The following XPO1 variants were observed in gnomAD, a reference collection of about 807,000 sequenced individuals.
XPO1 encodes exportin-1.
Under a neutral mutation model 133.3 loss-of-function variants are expected in XPO1, and 5 were observed. The ratio of observed to expected loss-of-function variants is 0.04; its 90% CI spans 0.02 to 0.08. The LOEUF is 0.08. XPO1 is among the 10% of genes least tolerant of loss of function. The pLI, the probability that XPO1 is intolerant of heterozygous loss-of-function variation, is 1.00. For synonymous variants in XPO1, 419 were observed against 408.2 expected (o/e 1.03, Z -0.32); for missense variants, 506 against 1,267.5 (o/e 0.40, Z 9.12).
At chr2:61,516,177 T>G (rs1204093229) in intron 4 of XPO1, among the ~76,000 whole-genome samples, 6 of 147,144 alleles carry the variant, frequency 4.1e-5, no homozygotes, top group Admixed American at 4.1e-4. Flanking sequence ...TGGTGGCACA[T>G]GCCTGTAATC....
At chr2:61,515,822 G>C (rs899371348) in intron 4 of XPO1, among the ~76,000 whole-genome samples, 1 of 151,190 alleles carries the variant, frequency 6.6e-6, no homozygotes, top group Non-Finnish European at 1.5e-5. Context: ...GGTGGCTCAC[G>C]CCTGTAATCC....
At chr2:61,527,726 A>G (rs1698968084) in intron 2 of XPO1, among the ~76,000 whole-genome samples, 2 of 152,054 alleles carry the variant, frequency 1.3e-5, no homozygotes, top group South Asian at 4.1e-4. Flanking sequence ...AATTTCACTA[A>G]TTTCATATAT....
In XPO1 at chr2:61,482,293, C is replaced by G. The variant is rs923694996; in HGVS notation, c.2972+87G>C. The G allele has an allele frequency of 5.3e-6, 7 of 1,314,770 alleles. No homozygotes were observed. In the Admixed American group the frequency reaches 1.8e-4, roughly 34 times the overall value. 81.4% of individuals were successfully genotyped at this position (1,314,770 alleles called of 1,614,324 possible). A position where few individuals can be genotyped will look rare whatever the true frequency, so the allele number is the denominator to read the frequency against. ...TTTTGGGCCCAAGCAATCCTCCCAC[C>G]TTAGGCTTCCCAAAGTGCTGGGATT... On this transcript the variant is annotated intron_variant, in intron 23 of 24. Transcript: ENST00000401558.
chr2:61,535,027 G>A (rs1247205814), intron 1 of XPO1, among the ~76,000 whole-genome samples: 3 of 152,112 alleles, frequency 2.0e-5, no homozygotes, highest in East Asian at 3.8e-4. Context: ...AAATAAAAAA[G>A]AATTCTAACA....
intron 4 of XPO1, among the ~76,000 whole-genome samples, chr2:61,503,657 C>T (rs1285511066): frequency 6.6e-6 from 1 of 152,136 alleles, no homozygotes; most frequent in Non-Finnish European, 1.5e-5. Context: ...ATCTCCTGAC[C>T]TCGTGATCTG....
intron 20 of XPO1, chr2:61,484,715 C>A (rs1573107297): frequency 6.6e-6 from 1 of 152,666 alleles, no homozygotes; most frequent in African/African-American, 2.4e-5. Flanking sequence ...GCAAGCTCCG[C>A]CTCCCGGGTT....
chr2:61,531,863 T>C (rs910019355), intron 2 of XPO1, among the ~76,000 whole-genome samples: 1 of 152,222 alleles, frequency 6.6e-6, no homozygotes, highest in African/African-American at 2.4e-5. Flanking sequence ...GATAATATAC[T>C]GATCAAAACG....
chr2:61,520,747 C>T (rs931869676), intron 4 of XPO1, among the ~76,000 whole-genome samples: 5 of 152,062 alleles, frequency 3.3e-5, no homozygotes, highest in African/African-American at 1.2e-4. Flanking sequence ...CTATTTTCAA[C>T]CTGGAAAACA....
chr2:61,486,050 T>C (rs1183440250), intron 19 of XPO1, 88 bp from the exon 20 acceptor site: 9 of 1,221,138 alleles, frequency 7.4e-6, no homozygotes, highest in African/African-American at 6.3e-5. Flanking sequence ...CTATGAGATG[T>C]AGCATGATCA....
At chr2:61,490,384 A>G (rs898500461) in intron 17 of XPO1, among the ~76,000 whole-genome samples, 1 of 151,880 alleles carries the variant, frequency 6.6e-6, no homozygotes, top group Non-Finnish European at 1.5e-5. Context: ...TTTTTAGTAG[A>G]GACGGGGTTT....
chr2:61,530,652 T>G (rs1699108889), intron 2 of XPO1, among the ~76,000 whole-genome samples: 1 of 151,992 alleles, frequency 6.6e-6, no homozygotes, highest in Admixed American at 6.6e-5. Context: ...TAACCATGTA[T>G]GCAGAAGTTC....
At chr2:61,482,343 C>T (rs377211925) in intron 23 of XPO1, 37 bp downstream of exon 23, 1 of 1,554,476 alleles carries the variant, frequency 6.4e-7, no homozygotes, top group East Asian at 2.3e-5. Context: ...CTGTGCCCGA[C>T]CAGGAACATT....
Position 61,492,836 on chromosome 2 carries a change from A to G in XPO1, c.1384+79T>C. On this transcript the variant is annotated intron_variant, in intron 13 of 24. Coordinates refer to ENST00000401558, the MANE Select transcript of XPO1 (RefSeq NM_003400.4). The surrounding 1 kb of genome is among the most constrained non-coding windows in gnomAD (Gnocchi z 5.6). The stretch of plus-strand genomic sequence containing the variant: ...TACATTTAGAAAATATTTAGAAACT[A>G]CAAGTACATTTCCTAAAATGTATTT... 6.4e-7 allele frequency: 1 copy of G among 1,556,626 alleles called. No homozygotes were observed. Among genetic ancestry groups the G allele is most frequent in the Non-Finnish European group, 8.7e-7 (1 of 1,148,948 alleles).
At chr2:61,488,130 C>T in intron 19 of XPO1, 35 bp downstream of exon 19, 1 of 1,568,228 alleles carries the variant, frequency 6.4e-7, no homozygotes, top group Admixed American at 1.7e-5. Flanking sequence ...ACAGCATCAA[C>T]ACTAGAAATC....
At chr2:61,505,680 T>A (rs1481520627) in intron 4 of XPO1, among the ~76,000 whole-genome samples, 4 of 152,270 alleles carry the variant, frequency 2.6e-5, no homozygotes, top group African/African-American at 9.6e-5. Flanking sequence ...TGCCTCAGCA[T>A]CCCAAAGTGC....
chr2:61,482,570 A>G (rs746200902), intron 22 of XPO1, 31 bp from the exon 23 acceptor site: 1 of 1,535,350 alleles, frequency 6.5e-7, no homozygotes, highest in South Asian at 1.2e-5. Context: ...ATTAACTCCA[A>G]AATGTAATAT....
chr2:61,528,985 T>C (rs1242606363), intron 2 of XPO1, among the ~76,000 whole-genome samples: 3 of 151,982 alleles, frequency 2.0e-5, no homozygotes, highest in South Asian at 2.1e-4. Context: ...TGGTGGCTCA[T>C]GTCTGTAATC....
At chr2:61,490,389 G>A (rs1433323772) in intron 17 of XPO1, among the ~76,000 whole-genome samples, 3 of 151,760 alleles carry the variant, frequency 2.0e-5, no homozygotes, top group Admixed American at 2.0e-4. Context: ...AGTAGAGACG[G>A]GGTTTTGCCA....
chr2:61,483,309 TA>T (rs1250743997), intron 21 of XPO1: 10 of 484,382 alleles, frequency 2.1e-5, no homozygotes, highest in Non-Finnish European at 2.8e-5. Context: ...GTGTGAGAGC[TA>T]AACTGTGAAG....
Sources: allele counts gnomAD v4.1 joint callset (sites outside exome capture counted in the v4.1 genomes callset), GRCh38; gene constraint gnomAD v4.1.1; non-coding constraint Gnocchi (gnomAD v3.1); transcripts MANE v1.5; gene names NCBI Gene and HGNC (gene_info 2026-07-23, HGNC 2026-07-21).